WIPI1: variants seen among roughly 807,000 people sequenced by gnomAD.
WIPI1 encodes WD repeat domain, phosphoinositide interacting 1, also known as WD repeat domain phosphoinositide-interacting protein 1.
In WIPI1, 45 loss-of-function variants were observed where a neutral mutation model predicts 55.3. That is an observed-to-expected ratio of 0.81 (90% confidence interval 0.64 to 1.04). The LOEUF (loss-of-function observed/expected upper bound fraction) is 1.04. WIPI1 is among the 50% of genes least tolerant of loss of function. The pLI is 0.00. For synonymous variants in WIPI1, 195 were observed against 217.6 expected (o/e 0.90, Z 0.92); for missense variants, 445 against 559.0 (o/e 0.80, Z 2.06).
chr17:68,431,962 C>T (rs922115414), intron 8 of WIPI1, among the ~76,000 whole-genome samples: 35 of 152,124 alleles, frequency 2.3e-4, no homozygotes, highest in Admixed American at 7.9e-4. Flanking sequence ...ACAGCTCAGC[C>T]GCCCTCTAGT....
intron 3 of WIPI1, among the ~76,000 whole-genome samples, chr17:68,445,649 T>C (rs534422558): frequency 3.3e-5 from 5 of 152,358 alleles, no homozygotes; most frequent in African/African-American, 1.2e-4. Context: ...CTCTTCCCAA[T>C]GGCTGTGCTC....
intron 8 of WIPI1, among the ~76,000 whole-genome samples, chr17:68,430,927 G>A (rs2083480432): frequency 6.6e-6 from 1 of 152,150 alleles, no homozygotes; most frequent in Non-Finnish European, 1.5e-5. Context: ...CAGAGCTCTG[G>A]GAGGTATTCT....
chr17:68,444,727 T>C (rs2147953191), intron 3 of WIPI1, 138 bp from the exon 4 acceptor site: 11 of 641,624 alleles, frequency 1.7e-5, no homozygotes, highest in Non-Finnish European at 5.2e-6. Flanking sequence ...ATTTTGAAGA[T>C]TGTGTTTATG....
intron 3 of WIPI1, 75 bp downstream of exon 3, chr17:68,450,653 C>T (rs1252825874): frequency 6.6e-7 from 1 of 1,512,608 alleles, no homozygotes; most frequent in Non-Finnish European, 8.9e-7. Context: ...AGACATTGAT[C>T]TTGAAAGATG....
intron 7 of WIPI1, among the ~76,000 whole-genome samples, chr17:68,434,145 T>A (rs1412670206): frequency 2.6e-5 from 4 of 152,206 alleles, no homozygotes; most frequent in Non-Finnish European, 5.9e-5. Flanking sequence ...TGTGCCTTCC[T>A]GGCATCTTGG....
chr17:68,448,534 G>C (rs2084374666), intron 3 of WIPI1: 1 of 152,112 alleles, frequency 6.6e-6, no homozygotes, highest in Non-Finnish European at 1.5e-5. Flanking sequence ...TTATATTAAG[G>C]GGAGGCTGGC....
At chr17:68,422,697 C>G (rs1324223291) in intron 12 of WIPI1, 1 of 123,248 alleles carries the variant, frequency 8.1e-6, no homozygotes, top group African/African-American at 3.0e-5. Flanking sequence ...CCAACACATT[C>G]TAGCCTGAGG....
At chr17:68,452,833 T>C in intron 2 of WIPI1, 77 bp downstream of exon 2, 2 of 1,338,472 alleles carry the variant, frequency 1.5e-6, no homozygotes, top group East Asian at 2.3e-5. Flanking sequence ...GGCAGCTTGG[T>C]AGCACCGCAG....
chr17:68,426,251 G>GT, intron 11 of WIPI1, 76 bp from the exon 12 acceptor site: 1 of 825,454 alleles, frequency 1.2e-6, no homozygotes, highest in Admixed American at 2.3e-5. Context: ...GTGGGGAGCG[G>GT]GGGCTCAAAT....
rs565775781 is a variant in WIPI1, at chr17:68,453,143, C to T, written c.81-151G>A. 5.7e-4 allele frequency: 316 copies of T among 549,972 alleles called. 1 individual carries two copies. The highest frequency in any genetic ancestry group is 9.8e-4 in the Non-Finnish European group (304 of 309,846). 34.1% of individuals were successfully genotyped at this position (549,972 alleles called of 1,614,324 possible). On this transcript the variant is annotated intron_variant, in intron 1 of 12. Coordinates refer to ENST00000262139, the MANE Select transcript of WIPI1 (RefSeq NM_017983.7). ...TCCTTGGTAACTTCCTAAATGGTGA[C>T]GCATGTCTTGACAGGCAGGAAGAGC... is the stretch of plus-strand genomic sequence containing the variant.
Position 68,457,345 on chromosome 17 carries a change from C to A in WIPI1, c.77G>T (p.Cys26Phe). The A allele has an allele frequency of 6.5e-7, 1 of 1,546,682 alleles. No homozygotes were observed. The highest frequency in any genetic ancestry group is 8.7e-7 in the Non-Finnish European group (1 of 1,145,944). ...CAGGGGCCGAGTCGCAGCTTACGTG[C>A]AGTCCTGGTTGAAAGAGAAGCAGCT... is the stretch of plus-strand genomic sequence containing the variant. ...ALSCFSFNQD[C>F]TSLATGTKAG... The change falls in exon 1 of 13, where the codon TGC becomes TTC. Residue 26 changes from cysteine (C) to phenylalanine (F), a missense_variant. By Grantham distance (205) the Cys-to-Phe change is radical. Coordinates refer to ENST00000262139, the MANE Select transcript of WIPI1 (RefSeq NM_017983.7).
rs540091680 is a variant in WIPI1 at position 68,438,890 on chromosome 17, G to A, written c.431-2411C>T. Among the ~76,000 whole-genome samples the A allele has an allele frequency of 1.1e-4, 17 of 152,302 alleles. 1 individual carries two copies. The East Asian group carries it at 3.3e-3, about 29-fold the overall frequency. ...GCTGGGATTACAGGCGTGAGCCATC[G>A]TGCCTGGCCTAGCACATATGTTTTT... On this transcript the variant is annotated intron_variant, in intron 4 of 12. Transcript: ENST00000262139.
At chr17:68,426,251 G>GGGGGGGGGGGGGGGGGT in intron 11 of WIPI1, 76 bp from the exon 12 acceptor site, 2 of 825,460 alleles carry the variant, frequency 2.4e-6, no homozygotes, top group South Asian at 1.3e-5. Context: ...GTGGGGAGCG[G>GGGGGGGGGGGGGGGGGT]GGGCTCAAAT....
chr17:68,433,252 G>A (rs932554572), intron 8 of WIPI1, among the ~76,000 whole-genome samples: 6 of 152,234 alleles, frequency 3.9e-5, no homozygotes, highest in Non-Finnish European at 8.8e-5. Flanking sequence ...AAGAGGCAGA[G>A]CCAGGACGTG....
chr17:68,450,984 C>G (rs2084478760), intron 2 of WIPI1, 87 bp from the exon 3 acceptor site: 2 of 1,503,460 alleles, frequency 1.3e-6, no homozygotes, highest in Middle Eastern at 2.5e-4. Context: ...CCGGCGCAGG[C>G]CAGGTTCCAA....
intron 3 of WIPI1, 71 bp downstream of exon 3, chr17:68,450,657 A>C (rs1203747598): frequency 1.3e-6 from 2 of 1,523,710 alleles, no homozygotes; most frequent in Admixed American, 2.1e-5. Flanking sequence ...ATTGATCTTG[A>C]AAGATGTCCA....
chr17:68,454,307 T>C (rs772629024), intron 1 of WIPI1, among the ~76,000 whole-genome samples: 1 of 152,206 alleles, frequency 6.6e-6, no homozygotes, highest in Non-Finnish European at 1.5e-5. Flanking sequence ...ATTCACTCTT[T>C]ACAGGGAAGC....
chr17:68,429,907 TTTC>T (rs2083434510), intron 9 of WIPI1, 86 bp downstream of exon 9: 1 of 1,585,808 alleles, frequency 6.3e-7, no homozygotes, highest in Non-Finnish European at 8.6e-7. Flanking sequence ...GTTTTCTTTT[TTTC>T]TTTTCAGGTT....
chr17:68,432,821 A>G (rs1484688459), intron 8 of WIPI1, among the ~76,000 whole-genome samples: 1 of 152,206 alleles, frequency 6.6e-6, no homozygotes, highest in Admixed American at 6.5e-5. Flanking sequence ...ACCGTGGGGT[A>G]TGAAACACTG....
Sources: allele counts gnomAD v4.1 joint callset (sites outside exome capture counted in the v4.1 genomes callset), GRCh38; gene constraint gnomAD v4.1.1; transcripts MANE v1.5; gene names NCBI Gene and HGNC (gene_info 2026-07-23, HGNC 2026-07-21).